Variants in RYR1 observed in about 807,000 individuals in gnomAD.
RYR1 encodes the protein central core disease of muscle.
Under a neutral mutation model 583.5 loss-of-function variants are expected in RYR1, and 342 were observed. That is an observed-to-expected ratio of 0.59 (90% confidence interval 0.54 to 0.64). The LOEUF (loss-of-function observed/expected upper bound fraction) is 0.64, where lower values mean the gene tolerates loss of function less well. RYR1 is among the 30% of genes least tolerant of loss of function. RYR1 has a pLI of 0.00. For synonymous variants in RYR1, 2,791 were observed against 2,822.5 expected, an observed-to-expected ratio of 0.99 and a Z score of 0.35; for missense variants, 6,032 against 6,917.2, an observed-to-expected ratio of 0.87 and a Z score of 4.54.
chr19:38,497,266 C>A (rs1374630453), intron 42 of RYR1, among the ~76,000 whole-genome samples: 1 of 150,608 alleles, frequency 6.6e-6, no homozygotes, highest in Non-Finnish European at 1.5e-5. Context: ...GTCTACACTT[C>A]CGGGCTGGGG....
In RYR1 at chr19:38,457,555, A is replaced by G; in HGVS notation, c.1850A>G (p.Gln617Arg). 1 of 1,614,028 alleles carries G rather than the reference A, an allele frequency of 6.2e-7. No homozygotes were observed. Among genetic ancestry groups the G allele is most frequent in the Non-Finnish European group, 8.5e-7 (1 of 1,180,006 alleles). Residue 617 changes from glutamine to arginine, a missense_variant, in exon 17 of 106, where the codon CAA becomes CGA. Gln to Arg is a conservative substitution (Grantham distance 43). Coordinates refer to ENST00000359596, the MANE Select transcript of RYR1 (RefSeq NM_000540.3). The part of the protein sequence containing the change: ...VCNGVAVRSN[Q>R]DLITENLLPG... The stretch of plus-strand genomic sequence containing the variant: ...AATGGTGTGGCTGTACGCTCCAACC[A>G]AGATCTTATTACTGAGAACTTGCTG...
chr19:38,464,138 G>A (rs571557069), intron 22 of RYR1, among the ~76,000 whole-genome samples: 20 of 152,020 alleles, frequency 1.3e-4, no homozygotes, highest in East Asian at 5.8e-4. Flanking sequence ...TTAGCCGGGC[G>A]TGGTGGTGCA....
chr19:38,460,252 C>T (rs910321330), intron 19 of RYR1, 123 bp from the exon 20 acceptor site: 17 of 863,074 alleles, frequency 2.0e-5, no homozygotes, highest in Middle Eastern at 2.3e-4. Context: ...TATGACTGCC[C>T]GGTGACCTTT....
chr19:38,525,553 C>G, intron 71 of RYR1, 51 bp downstream of exon 71: 1 of 1,587,148 alleles, frequency 6.3e-7, no homozygotes, highest in Non-Finnish European at 8.6e-7. Context: ...GCCCAGCACC[C>G]ACTGAACCCC....
In RYR1 at chr19:38,500,305, G is replaced by A. The variant is rs1970048256; in HGVS notation, c.7323+289G>A. On this transcript the variant is annotated intron_variant, in intron 45 of 105. Coordinates refer to ENST00000359596, the MANE Select transcript of RYR1 (RefSeq NM_000540.3). This position sits in a 1 kb window ranked among gnomAD's most constrained non-coding sequence, Gnocchi z 5.9. ...TGCAGGGCACACGGAGAGGACTCAGGATGGGGATGGGGAACACAGGGAGAG... is the reference window on the plus strand; with the variant it reads ...TGCAGGGCACACGGAGAGGACTCAGAATGGGGATGGGGAACACAGGGAGAG... Among the ~76,000 whole-genome samples, 2 of 149,806 alleles carry A rather than the reference G, an allele frequency of 1.3e-5. No homozygotes were observed. The highest frequency in any genetic ancestry group is 4.3e-4 in the South Asian group (2 of 4,630).
At chr19:38,481,365 T>C (rs983563089) in intron 31 of RYR1, among the ~76,000 whole-genome samples, 1 of 152,076 alleles carries the variant, frequency 6.6e-6, no homozygotes, top group Non-Finnish European at 1.5e-5. Flanking sequence ...GACCTCAAAC[T>C]ATTCGCCCAC....
Position 38,482,029 on chromosome 19 carries a change from A to T in RYR1, c.4621-998A>T, listed in dbSNP as rs557325624. ...CTTGAACGTGGGAGGTGGAGTTTGC[A>T]GTGAGCCGAGATGATGCCACTGCAC... is the stretch of plus-strand genomic sequence containing the variant. On this transcript the variant is annotated intron_variant, in intron 31 of 105. Coordinates refer to ENST00000359596, the MANE Select transcript of RYR1 (RefSeq NM_000540.3). 2.0e-5 allele frequency among the ~76,000 whole-genome samples: 3 copies of T among 152,132 alleles called. No homozygotes were observed. In the South Asian group the frequency reaches 6.2e-4, roughly 32 times the overall value.
chr19:38,554,687 G>T (rs1972807979), intron 89 of RYR1, among the ~76,000 whole-genome samples: 1 of 151,876 alleles, frequency 6.6e-6, no homozygotes, highest in African/African-American at 2.4e-5. Flanking sequence ...TGCCCAGGCT[G>T]GTCTTGAACT....
In RYR1 at chr19:38,569,191, T is replaced by C. The variant is rs1050269363; in HGVS notation, c.13659+1274T>C. Among the ~76,000 whole-genome samples the C allele has an allele frequency of 2.6e-5, 4 of 152,102 alleles. No homozygotes were observed. The South Asian group carries it at 8.3e-4, about 31-fold the overall frequency. On this transcript the variant is annotated intron_variant, in intron 93 of 105. Transcript: ENST00000359596. ...ACGCCTGGCTAATTTTTTGTATTTT[T>C]AGTAGAAACGGGGTTTCACCGTGTT...
In RYR1 at chr19:38,473,293, G is replaced by C. The variant is rs183584971; in HGVS notation, c.3766-84G>C. The C allele has an allele frequency of 2.7e-3, 4,115 of 1,527,688 alleles. 167 individuals carry two copies. In the Admixed American group the frequency reaches 0.063, roughly 23 times the overall value. The allele number at this position is 1,527,688 out of a possible 1,614,324, so 94.6% of individuals were successfully genotyped here. On this transcript the variant is annotated intron_variant, in intron 27 of 105. Coordinates refer to ENST00000359596, the MANE Select transcript of RYR1 (RefSeq NM_000540.3). ...TGCAGGTGCACTATGGCCTAATGGT[G>C]GCTCCGTGTGTGACCAGGTGTAGGA...
intron 67 of RYR1, 99 bp downstream of exon 67, chr19:38,519,553 C>G: frequency 7.2e-7 from 1 of 1,387,210 alleles, no homozygotes; most frequent in Non-Finnish European, 9.9e-7. Context: ...AAACTTCTTC[C>G]AATGCTCTGG....
At position 38,499,999 on chromosome 19, in the gene RYR1, T is replaced by C; in HGVS notation, c.7306T>C (p.Cys2436Arg). 6.2e-7 allele frequency: 1 copy of C among 1,614,110 alleles called. No individual in the cohort carries two copies. The highest frequency in any genetic ancestry group is 8.5e-7 in the Non-Finnish European group (1 of 1,179,990). ...CGCCTTGATCGACCTGCTCGGACGC[T>C]GTGCACCAGAGATGCATGTGAGACC... ...YAALIDLLGR[C>R]APEMHLIQAG... Residue 2436 changes from cysteine to arginine, a missense_variant, in exon 45 of 106, where the codon TGT (cysteine) becomes CGT (arginine). This residue lies in a region of RYR1 where 2,627 missense variants were observed against 2,961.3 expected (regional missense o/e 0.89). Coordinates refer to ENST00000359596, the MANE Select transcript of RYR1 (RefSeq NM_000540.3). The surrounding 1 kb of genome is among the most constrained non-coding windows in gnomAD (Gnocchi z 7.3).
Position 38,502,717 on chromosome 19 carries a change from T to G in RYR1, c.7825T>G (p.Ser2609Ala), listed in dbSNP as rs1248709169. 4.7e-6 allele frequency: 7 copies of G among 1,502,884 alleles called. No homozygotes were observed. The highest frequency in any genetic ancestry group is 6.3e-6 in the Non-Finnish European group (7 of 1,117,356). The allele number at this position is 1,502,884 out of a possible 1,614,324, so 93.1% of individuals were successfully genotyped here. The part of the protein sequence containing the change: ...QRDVIEDCLM[S>A]LCRYIRPSML... Reference sequence around the variant, plus strand: ...TGACGTCATCGAGGACTGCCTCATGTCGCTCTGCAGGTGGAGCGGGGCAGG... The same window carrying G: ...TGACGTCATCGAGGACTGCCTCATGGCGCTCTGCAGGTGGAGCGGGGCAGG... Residue 2609 changes from serine to alanine, a missense_variant, in exon 48 of 106, where the codon TCG becomes GCG. This residue lies in a region of RYR1 where 250 missense variants were observed against 162.3 expected (regional missense o/e 1.54). Transcript: ENST00000359596.
Position 38,516,123 on chromosome 19 carries a change from G to GACA in RYR1, c.9591_9592insACA (p.Leu3197_Ala3198insThr). ...CCCTCGGGGAGTGCCTGGCCCGTCT[G>GACA]GCAGCAGCCATGCCGGTGGCGTTCC... On this transcript the variant is annotated inframe_insertion, in exon 65 of 106. Transcript: ENST00000359596. 1 of 1,550,324 alleles carries GACA rather than the reference G, an allele frequency of 6.5e-7. No homozygotes were observed. The highest frequency in any genetic ancestry group is 8.7e-7 in the Non-Finnish European group (1 of 1,147,220).
At chr19:38,462,572 C>T (rs533607931) in intron 20 of RYR1, among the ~76,000 whole-genome samples, 7 of 152,072 alleles carry the variant, frequency 4.6e-5, no homozygotes, top group East Asian at 3.9e-4. Flanking sequence ...ACGCCAACAC[C>T]GCTACTGTCT....
At chr19:38,467,881 CTGCCTCTGTCTG>C (rs1288093488) in intron 25 of RYR1, 69 bp downstream of exon 25, 5 of 1,472,158 alleles carry the variant, frequency 3.4e-6, no homozygotes, top group Non-Finnish European at 4.7e-6. Flanking sequence ...TACTCTGGCC[CTGCCTCTGTCTG>C]TGCCTCACTC....
intron 47 of RYR1, among the ~76,000 whole-genome samples, chr19:38,501,997 AG>A (rs896863124): frequency 6.7e-6 from 1 of 148,790 alleles, no homozygotes; most frequent in African/African-American, 2.5e-5. Flanking sequence ...GAAAAAAAAA[AG>A]AAAAATAAAT....
At chr19:38,556,493 A>G (rs1404089956) in intron 89 of RYR1, among the ~76,000 whole-genome samples, 1 of 151,340 alleles carries the variant, frequency 6.6e-6, no homozygotes, top group East Asian at 2.0e-4. Flanking sequence ...AAAAAAAAAA[A>G]GTAAAATGAA....
chr19:38,489,044 T>C lies in RYR1; in HGVS notation c.5548-133T>C, dbSNP rs568352405. 4 of 820,442 alleles carry C rather than the reference T, an allele frequency of 4.9e-6. No individual in the cohort carries two copies. In the South Asian group the frequency reaches 5.6e-5, roughly 12 times the overall value. The allele number at this position is 820,442 out of a possible 1,614,324, so 50.8% of individuals were successfully genotyped here. On this transcript the variant is annotated intron_variant, in intron 34 of 105. Transcript: ENST00000359596. ...GCAAGGCGGGGGATGCCATTCCTGCTGTGGGAGGAATCGGATCAGCCAATG... is the reference window on the plus strand; with the variant it reads ...GCAAGGCGGGGGATGCCATTCCTGCCGTGGGAGGAATCGGATCAGCCAATG...
Sources: gnomAD v4.1 joint callset for allele counts (sites outside exome capture counted in the v4.1 genomes callset) on GRCh38, gnomAD v4.1.1 for gene constraint, gnomAD v4.1.1 regional missense constraint, Gnocchi (gnomAD v3.1) non-coding constraint, MANE v1.5 for transcripts, NCBI Gene and HGNC (gene_info 2026-07-23, HGNC 2026-07-21) for gene names.